Variants in MSI2 observed in about 807,000 individuals in gnomAD.
MSI2 encodes RNA-binding protein Musashi homolog 2.
In MSI2, 17 loss-of-function variants were observed where a neutral mutation model predicts 45.6. That is an observed-to-expected ratio of 0.37 (90% CI 0.26 to 0.56). The LOEUF (loss-of-function observed/expected upper bound fraction) is 0.56, where lower values mean the gene tolerates loss of function less well. MSI2 is among the 20% of genes least tolerant of loss of function. The pLI, the probability that MSI2 is intolerant of heterozygous loss-of-function variation, is 0.77. For missense variants in MSI2, 293 were observed against 444.2 expected, an observed-to-expected ratio of 0.66 and a Z score of 3.06; for synonymous variants, 156 against 158.2, an observed-to-expected ratio of 0.99 and a Z score of 0.11.
intron 11 of MSI2, among the ~76,000 whole-genome samples, chr17:57,660,441 A>G (rs1369774363): frequency 6.6e-6 from 1 of 152,218 alleles, no homozygotes; most frequent in East Asian, 1.9e-4. Context: ...AAAAGGAAGA[A>G]TGATGCCAGA....
At chr17:57,439,169 A>C (rs540111567) in intron 6 of MSI2, among the ~76,000 whole-genome samples, 1 of 152,244 alleles carries the variant, frequency 6.6e-6, no homozygotes, top group African/African-American at 2.4e-5. Flanking sequence ...GGCATGATTT[A>C]AGGCACATTT....
intron 5 of MSI2, among the ~76,000 whole-genome samples, chr17:57,350,142 A>G (rs1322000763): frequency 1.3e-5 from 2 of 152,096 alleles, no homozygotes; most frequent in African/African-American, 4.8e-5. Context: ...TAATCTTCTC[A>G]GAATCTGTTG....
intron 5 of MSI2, among the ~76,000 whole-genome samples, chr17:57,384,280 A>AG (rs2083647713): frequency 6.6e-6 from 1 of 152,164 alleles, no homozygotes; most frequent in South Asian, 2.1e-4. Context: ...CTTGAAATCA[A>AG]GGGGAGACAT....
intron 6 of MSI2, among the ~76,000 whole-genome samples, chr17:57,411,415 G>T (rs1279927270): frequency 2.6e-5 from 4 of 152,190 alleles, no homozygotes; most frequent in Non-Finnish European, 5.9e-5. Context: ...AACTAAGTTG[G>T]TATTTGTGTT....
rs181166290 is a variant in MSI2 at position 57,322,529 on chromosome 17, G to A, written c.312+60337G>A. 1.2e-3 allele frequency among the ~76,000 whole-genome samples: 178 copies of A among 151,884 alleles called. No homozygotes were observed. In the Middle Eastern group the frequency reaches 0.024, roughly 20 times the overall value. On this transcript the variant is annotated intron_variant, in intron 5 of 13. Coordinates refer to ENST00000284073, the MANE Select transcript of MSI2 (RefSeq NM_138962.4). ...AATTCAGTCATTGTAAATTTTAGGGGTGAAATAACAGCATAGAAATAAAAA... is the reference window on the plus strand; with the variant it reads ...AATTCAGTCATTGTAAATTTTAGGGATGAAATAACAGCATAGAAATAAAAA...
At chr17:57,642,773 G>A (rs1555636321) in intron 10 of MSI2, among the ~76,000 whole-genome samples, 1 of 152,202 alleles carries the variant, frequency 6.6e-6, no homozygotes, top group Non-Finnish European at 1.5e-5. Context: ...GAGGGCACAG[G>A]GCTGAGAATG....
chr17:57,325,680 C>A (rs750650562), intron 5 of MSI2, among the ~76,000 whole-genome samples: 1 of 152,160 alleles, frequency 6.6e-6, no homozygotes, highest in Admixed American at 6.5e-5. Flanking sequence ...ACCATTTGAC[C>A]CACCTCCAGC....
chr17:57,528,263 A>G (rs1200536886), intron 6 of MSI2, among the ~76,000 whole-genome samples: 1 of 152,176 alleles, frequency 6.6e-6, no homozygotes. Flanking sequence ...GCTCTGTGGG[A>G]TAAAGGAGTG....
At chr17:57,521,146 C>T (rs1467592343) in intron 6 of MSI2, among the ~76,000 whole-genome samples, 1 of 152,234 alleles carries the variant, frequency 6.6e-6, no homozygotes, top group Non-Finnish European at 1.5e-5. Context: ...TTCATCACTG[C>T]AGTCTTCCAG....
chr17:57,586,593 C>T (rs1288658139), intron 7 of MSI2, among the ~76,000 whole-genome samples: 3 of 152,184 alleles, frequency 2.0e-5, no homozygotes, highest in Admixed American at 6.5e-5. Context: ...TTCGGGCAAA[C>T]TGCCCATACC....
At chr17:57,543,125 G>A (rs2144135852) in intron 7 of MSI2, among the ~76,000 whole-genome samples, 1 of 152,314 alleles carries the variant, frequency 6.6e-6, no homozygotes, top group East Asian at 1.9e-4. Context: ...AAACGGAGGT[G>A]CAGGAGCCCT....
chr17:57,480,473 C>T (rs897301503), intron 6 of MSI2, among the ~76,000 whole-genome samples: 1 of 152,188 alleles, frequency 6.6e-6, no homozygotes, highest in African/African-American at 2.4e-5. Flanking sequence ...AGGCTCCAAC[C>T]AGCAGCAGGA....
At chr17:57,582,719 A>T (rs535300297) in intron 7 of MSI2, among the ~76,000 whole-genome samples, 1 of 152,202 alleles carries the variant, frequency 6.6e-6, no homozygotes, top group African/African-American at 2.4e-5. Flanking sequence ...GTAAATTTCC[A>T]TCTTCCCTGA....
chr17:57,686,212 T>C (rs2144778957), downstream of MSI2, among the ~76,000 whole-genome samples: 1 of 152,124 alleles, frequency 6.6e-6, no homozygotes, highest in Non-Finnish European at 1.5e-5. Flanking sequence ...GCTTCTAACC[T>C]AGGTGCCTAC....
chr17:57,458,099 CTTTT>C (rs545653222), intron 6 of MSI2, among the ~76,000 whole-genome samples: 5 of 134,034 alleles, frequency 3.7e-5, no homozygotes, highest in Non-Finnish European at 6.4e-5. Flanking sequence ...ATATATATAC[CTTTT>C]TTTTTTTTTT....
intron 6 of MSI2, among the ~76,000 whole-genome samples, chr17:57,465,885 GA>G (rs2085321425): frequency 6.6e-6 from 1 of 152,156 alleles, no homozygotes; most frequent in African/African-American, 2.4e-5. Flanking sequence ...GCTCAGCTCT[GA>G]GCCCCGTAGA....
At chr17:57,476,167 T>G (rs1001381040) in intron 6 of MSI2, among the ~76,000 whole-genome samples, 6 of 152,224 alleles carry the variant, frequency 3.9e-5, no homozygotes, top group Non-Finnish European at 7.3e-5. Context: ...ACTCACAACA[T>G]ATAGGGCTAT....
chr17:57,267,006 C>T (rs1003919198), intron 5 of MSI2: 2 of 152,384 alleles, frequency 1.3e-5, no homozygotes, highest in African/African-American at 2.4e-5. Flanking sequence ...CGTGTACACG[C>T]ACACCTCCTG....
intron 5 of MSI2, among the ~76,000 whole-genome samples, chr17:57,308,356 T>G (rs376087947): frequency 1.3e-5 from 2 of 152,214 alleles, no homozygotes; most frequent in African/African-American, 4.8e-5. Flanking sequence ...GCTAGTTCTC[T>G]TCTAAATATC....
Sources: allele counts gnomAD v4.1 joint callset (sites outside exome capture counted in the v4.1 genomes callset), GRCh38; gene constraint gnomAD v4.1.1; transcripts MANE v1.5; gene names NCBI Gene and HGNC (gene_info 2026-07-23, HGNC 2026-07-21).